The following PCDHGA5 variants were observed in gnomAD, a reference collection of about 807,000 sequenced individuals.
The protein encoded by PCDHGA5 is protocadherin gamma-A5.
A neutral mutation model predicts 56.7 loss-of-function variants in PCDHGA5; 36 were observed. The observed-to-expected ratio is 0.64, with a 90% CI of 0.49 to 0.84. PCDHGA5 has a LOEUF of 0.84. Ranked by LOEUF, PCDHGA5 falls within the 40% of genes least tolerant of loss-of-function variation. The probability of loss-of-function intolerance (pLI) is 0.00; values close to 1 mark genes in which losing one functional copy is unlikely to be tolerated. For missense variants in PCDHGA5, 1,305 were observed against 1,201.5 expected, an observed-to-expected ratio of 1.09 and a Z score of -1.27; for synonymous variants, 563 against 520.2, an observed-to-expected ratio of 1.08 and a Z score of -1.12.
chr5:141,399,131 A>T, intron 1 of PCDHGA5: 1 of 1,613,856 alleles, frequency 6.2e-7, no homozygotes, highest in African/African-American at 1.3e-5. Context: ...AATATTCAAG[A>T]TGAAAATGAC....
In PCDHGA5 at chr5:141,476,040, G is replaced by A; in HGVS notation, c.2422-18767G>A. 2.0e-6 allele frequency: 3 copies of A among 1,488,704 alleles called. No individual in the cohort carries two copies. Among genetic ancestry groups the A allele is most frequent in the Admixed American group, 2.2e-5 (1 of 44,984 alleles). 92.2% of individuals were successfully genotyped at this position (1,488,704 alleles called of 1,614,324 possible). On this transcript the variant is annotated intron_variant, in intron 1 of 3. Coordinates refer to ENST00000518069, the MANE Select transcript of PCDHGA5 (RefSeq NM_018918.3). The surrounding 1 kb of genome is among the most constrained non-coding windows in gnomAD (Gnocchi z 7.6). The stretch of plus-strand genomic sequence containing the variant: ...CGGACTCGGCGCCCAGCGCCCAAGC[G>A]CTAACCCGCTGAAAGTTTCTCAGCG...
intron 2 of PCDHGA5, among the ~76,000 whole-genome samples, chr5:141,501,988 T>C (rs2099812189): frequency 6.6e-6 from 1 of 152,056 alleles, no homozygotes; most frequent in Non-Finnish European, 1.5e-5. Flanking sequence ...GGTCCCGTTG[T>C]CTCCCTGACA....
chr5:141,404,572 A>G (rs755182149), intron 1 of PCDHGA5: 79 of 1,613,728 alleles, frequency 4.9e-5, no homozygotes, highest in Non-Finnish European at 6.0e-5. Context: ...GTGGAAGCCC[A>G]CCACTTAGCA....
intron 2 of PCDHGA5, among the ~76,000 whole-genome samples, chr5:141,504,506 A>T (rs575756846): frequency 1.3e-5 from 2 of 152,096 alleles, no homozygotes; most frequent in African/African-American, 4.8e-5. Context: ...GTCTGAGTGG[A>T]TCTCCTCTGA....
At position 141,490,207 on chromosome 5, in the gene PCDHGA5, C is replaced by G. The variant is rs142098675; in HGVS notation, c.2422-4600C>G. ...TTTCTATGAAATTCATGCAAGAGCC[C>G]GTGACCAGGGACAGCCTGCCATGGA... On this transcript the variant is annotated intron_variant, in intron 1 of 3. Coordinates refer to ENST00000518069, the MANE Select transcript of PCDHGA5 (RefSeq NM_018918.3). This position sits in a 1 kb window ranked among gnomAD's most constrained non-coding sequence, Gnocchi z 5.4. 2.9e-4 allele frequency: 470 copies of G among 1,614,056 alleles called. 1 individual carries two copies. Among genetic ancestry groups the G allele is most frequent in the Non-Finnish European group, 3.7e-4 (439 of 1,180,030 alleles).
At chr5:141,373,491 C>T (rs975077178) in intron 1 of PCDHGA5, among the ~76,000 whole-genome samples, 1 of 152,180 alleles carries the variant, frequency 6.6e-6, no homozygotes, top group Non-Finnish European at 1.5e-5. Context: ...CCCCTGCACT[C>T]TAGCCTGGGA....
At position 141,410,204 on chromosome 5, in the gene PCDHGA5, T is replaced by C. The variant is rs1212919717; in HGVS notation, c.2421+43453T>C. 11 of 1,613,954 alleles carry C rather than the reference T, an allele frequency of 6.8e-6. No homozygotes were observed. In the South Asian group the frequency reaches 9.9e-5, roughly 14 times the overall value. Reference sequence around the variant, plus strand: ...GCTTCATCTGGTCTTCGCAGACAACTTGCAAGAGATACTGCCAGACCTCAG... The same window carrying C: ...GCTTCATCTGGTCTTCGCAGACAACCTGCAAGAGATACTGCCAGACCTCAG... On this transcript the variant is annotated intron_variant, in intron 1 of 3. Transcript: ENST00000518069.
At chr5:141,466,281 C>T (rs555506496) in intron 1 of PCDHGA5, among the ~76,000 whole-genome samples, 76 of 152,252 alleles carry the variant, frequency 5.0e-4, no homozygotes, top group African/African-American at 1.7e-3. Context: ...AGCAATCTTC[C>T]CACCTCAGGC....
chr5:141,423,693 G>A (rs114008539), intron 1 of PCDHGA5: 1 of 1,396,244 alleles, frequency 7.2e-7, no homozygotes, highest in Non-Finnish European at 9.4e-7. Flanking sequence ...CTAATTGTTG[G>A]TGTCTTGGCA....
intron 1 of PCDHGA5, chr5:141,478,760 C>T (rs1472984737): frequency 1.5e-5 from 23 of 1,510,888 alleles, no homozygotes; most frequent in Non-Finnish European, 1.9e-5. Context: ...GGGGAAGATA[C>T]TTGACTCATC....
intron 1 of PCDHGA5, among the ~76,000 whole-genome samples, chr5:141,459,220 A>G (rs1234283814): frequency 6.6e-6 from 1 of 152,234 alleles, no homozygotes; most frequent in Non-Finnish European, 1.5e-5. Flanking sequence ...CTCCAGCTCC[A>G]GGCAACAACT....
chr5:141,430,723 A>C lies in PCDHGA5; in HGVS notation c.2421+63972A>C, dbSNP rs554822923. ...GAACTGCTCCTGACTTCAGTGGTTAAGGGCAGAATTGAAAATAATTCTGGA... is the reference window on the plus strand; with the variant it reads ...GAACTGCTCCTGACTTCAGTGGTTACGGGCAGAATTGAAAATAATTCTGGA... On this transcript the variant is annotated intron_variant, in intron 1 of 3. Transcript: ENST00000518069. 58 of 1,493,590 alleles carry C rather than the reference A, an allele frequency of 3.9e-5. No homozygotes were observed. The African/African-American group carries it at 7.7e-4, about 20-fold the overall frequency. The allele number at this position is 1,493,590 out of a possible 1,614,324, so 92.5% of individuals were successfully genotyped here. A position where few individuals can be genotyped will look rare whatever the true frequency, so the allele number is the denominator to read the frequency against.
chr5:141,389,166 C>G (rs1340986620), intron 1 of PCDHGA5: 1 of 1,613,988 alleles, frequency 6.2e-7, no homozygotes, highest in Non-Finnish European at 8.5e-7. Context: ...TCGGGGCAAG[C>G]CTCCCCTCTC....
rs770638374 is a variant in PCDHGA5 at position 141,409,524 on chromosome 5, A to G, written c.2421+42773A>G. On this transcript the variant is annotated intron_variant, in intron 1 of 3. Coordinates refer to ENST00000518069, the MANE Select transcript of PCDHGA5 (RefSeq NM_018918.3). ...TCTTCCAGTAGAAGCATCACCTTGTATGTCGCTGACATCAACGACAACGCC... is the reference window on the plus strand; with the variant it reads ...TCTTCCAGTAGAAGCATCACCTTGTGTGTCGCTGACATCAACGACAACGCC... 11 of 1,613,972 alleles carry G rather than the reference A, an allele frequency of 6.8e-6. No homozygotes were observed. In the South Asian group the frequency reaches 1.1e-4, roughly 16 times the overall value.
chr5:141,372,725 A>G (rs1258286952), intron 1 of PCDHGA5: 4 of 1,613,884 alleles, frequency 2.5e-6, no homozygotes, highest in Admixed American at 1.7e-5. Flanking sequence ...ATGCTGCACC[A>G]CAAGATCTTC....
At chr5:141,425,624 G>T (rs1007643604) in intron 1 of PCDHGA5, among the ~76,000 whole-genome samples, 1 of 152,184 alleles carries the variant, frequency 6.6e-6, no homozygotes, top group African/African-American at 2.4e-5. Flanking sequence ...TGCTCCTCCA[G>T]TTTTCTCTGA....
intron 2 of PCDHGA5, among the ~76,000 whole-genome samples, chr5:141,504,572 A>G (rs184273457): frequency 6.7e-6 from 1 of 148,962 alleles, no homozygotes; most frequent in Admixed American, 6.9e-5. Flanking sequence ...TCTAGGGAAC[A>G]CCATCTGCCC....
Position 141,485,399 on chromosome 5 carries a change from C to T in PCDHGA5, c.2422-9408C>T. On this transcript the variant is annotated intron_variant, in intron 1 of 3. Coordinates refer to ENST00000518069, the MANE Select transcript of PCDHGA5 (RefSeq NM_018918.3). This position sits in a 1 kb window ranked among gnomAD's most constrained non-coding sequence, Gnocchi z 5.7. ...TGGAGAGGTGAACCAAAGACACTTC[C>T]GTGTGGATTTGGACAGCGGAGCCCT... 3 of 1,614,000 alleles carry T rather than the reference C, an allele frequency of 1.9e-6. No homozygotes were observed. The highest frequency in any genetic ancestry group is 2.5e-6 in the Non-Finnish European group (3 of 1,179,922).
chr5:141,465,801 C>T (rs1380215288), intron 1 of PCDHGA5, among the ~76,000 whole-genome samples: 2 of 151,400 alleles, frequency 1.3e-5, no homozygotes, highest in Non-Finnish European at 2.9e-5. Context: ...TTAAGAAACC[C>T]TTCAGGATCT....
Sources: gnomAD v4.1 joint callset for allele counts (sites outside exome capture counted in the v4.1 genomes callset) on GRCh38, gnomAD v4.1.1 for gene constraint, Gnocchi (gnomAD v3.1) non-coding constraint, MANE v1.5 for transcripts, NCBI Gene and HGNC (gene_info 2026-07-23, HGNC 2026-07-21) for gene names.